Variants in ITGBL1 observed in about 807,000 individuals in gnomAD.
ITGBL1 encodes integrin beta-like protein 1.
In ITGBL1, 51 loss-of-function variants were observed where a neutral mutation model predicts 68.5. The observed-to-expected ratio is 0.74, with a 90% CI of 0.59 to 0.94. ITGBL1 has a LOEUF of 0.94. Ranked by LOEUF, ITGBL1 falls within the 40% of genes least tolerant of loss-of-function variation. ITGBL1 has a pLI of 0.00. For missense variants in ITGBL1, 649 were observed against 647.4 expected, an observed-to-expected ratio of 1.00 and a Z score of -0.03; for synonymous variants, 209 against 227.3, an observed-to-expected ratio of 0.92 and a Z score of 0.72.
At chr13:101,457,370 G>C (rs948394290) in intron 2 of ITGBL1, among the ~76,000 whole-genome samples, 2 of 152,120 alleles carry the variant, frequency 1.3e-5, no homozygotes, top group African/African-American at 2.4e-5. Flanking sequence ...CCAGCCTCAG[G>C]GCAGCTGTAT....
chr13:101,587,783 A>G (rs992093384), intron 6 of ITGBL1, among the ~76,000 whole-genome samples: 9 of 152,208 alleles, frequency 5.9e-5, no homozygotes, highest in African/African-American at 2.2e-4. Flanking sequence ...ACTAAAGGAA[A>G]TGATTAAGTA....
At chr13:101,491,735 C>A (rs2139062077) in intron 2 of ITGBL1, among the ~76,000 whole-genome samples, 1 of 152,258 alleles carries the variant, frequency 6.6e-6, no homozygotes, top group South Asian at 2.1e-4. Context: ...ATTAACTCGT[C>A]ATCTGCGTTA....
At chr13:101,704,738 A>G (rs905424960) in intron 8 of ITGBL1, among the ~76,000 whole-genome samples, 33 of 152,162 alleles carry the variant, frequency 2.2e-4, no homozygotes, top group African/African-American at 6.8e-4. Flanking sequence ...AGACATTGGA[A>G]TCAGAGGAAC....
intron 8 of ITGBL1, among the ~76,000 whole-genome samples, chr13:101,694,096 A>T (rs991176885): frequency 1.3e-5 from 2 of 152,180 alleles, no homozygotes; most frequent in African/African-American, 4.8e-5. Context: ...CAGACCCAGA[A>T]TTTCAGCTCT....
chr13:101,714,857 G>C (rs1332493443), intron 10 of ITGBL1: 7 of 321,400 alleles, frequency 2.2e-5, no homozygotes. Context: ...AAAGAATTTT[G>C]TTGGCAACCA....
At position 101,579,436 on chromosome 13, in the gene ITGBL1, T is replaced by C; in HGVS notation, c.727+9T>C. ...AATCTGCAGTAACAGAGGTGTGTCA[T>C]TCATACATGTTACTACATAATGGGG... On this transcript the variant is annotated intron_variant, in intron 5 of 10. Transcript: ENST00000376180. 6.2e-7 allele frequency: 1 copy of C among 1,613,094 alleles called. No homozygotes were observed. The highest frequency in any genetic ancestry group is 1.7e-5 in the Admixed American group (1 of 59,858).
chr13:101,493,984 C>T (rs565877372), intron 2 of ITGBL1, among the ~76,000 whole-genome samples: 39 of 152,220 alleles, frequency 2.6e-4, no homozygotes, highest in Non-Finnish European at 5.1e-4. Context: ...AGATCACATA[C>T]TTAGGTTTGT....
At chr13:101,650,341 A>AT (rs201609505) in intron 7 of ITGBL1, among the ~76,000 whole-genome samples, 7 of 151,102 alleles carry the variant, frequency 4.6e-5, no homozygotes, top group South Asian at 2.1e-4. Flanking sequence ...GATGATATAC[A>AT]TTTTTTTTTC....
intron 2 of ITGBL1, among the ~76,000 whole-genome samples, chr13:101,464,535 A>C (rs78931378): frequency 0.24 from 36,483 of 150,760 alleles, 5,156 homozygotes; most frequent in African/African-American, 0.4. Context: ...CTCTCTCTAT[A>C]TATATATATA....
intron 9 of ITGBL1, chr13:101,713,361 T>G (rs2034568462): frequency 6.6e-6 from 1 of 152,202 alleles, no homozygotes; most frequent in African/African-American, 2.4e-5. Flanking sequence ...TCAATATATT[T>G]TGAACTTACC....
intron 4 of ITGBL1, among the ~76,000 whole-genome samples, 166 bp from the exon 5 acceptor site, chr13:101,579,121 C>A (rs540293508): frequency 3.3e-5 from 5 of 152,278 alleles, no homozygotes; most frequent in Non-Finnish European, 4.4e-5. Context: ...ATAGGCACAA[C>A]CATGATGTGT....
intron 6 of ITGBL1, 54 bp from the exon 7 acceptor site, chr13:101,598,099 C>A (rs562271334): frequency 2.6e-4 from 391 of 1,497,302 alleles, no homozygotes; most frequent in Non-Finnish European, 3.2e-4. Flanking sequence ...AAAACTAATT[C>A]CAACTTCATT....
intron 2 of ITGBL1, among the ~76,000 whole-genome samples, chr13:101,476,203 T>TAA (rs149987230): frequency 0.14 from 21,618 of 152,110 alleles, 2,027 homozygotes; most frequent in East Asian, 0.43. Context: ...TGGATGAAGT[T>TAA]AGTGTAGAGT....
intron 2 of ITGBL1, among the ~76,000 whole-genome samples, chr13:101,459,895 A>T (rs2048294811): frequency 6.6e-6 from 1 of 152,130 alleles, no homozygotes; most frequent in South Asian, 2.1e-4. Flanking sequence ...TCTTGAAGAT[A>T]TTTGACTTTT....
intron 3 of ITGBL1, among the ~76,000 whole-genome samples, chr13:101,571,340 C>A (rs1236905612): frequency 6.6e-6 from 1 of 152,094 alleles, no homozygotes; most frequent in Admixed American, 6.6e-5. Context: ...CTCAATCATG[C>A]CCAAGATTGG....
chr13:101,469,228 A>G (rs1049628340), intron 2 of ITGBL1, among the ~76,000 whole-genome samples: 4 of 152,224 alleles, frequency 2.6e-5, no homozygotes, highest in African/African-American at 9.6e-5. Context: ...GCATTTACAG[A>G]AAGCTGAACA....
chr13:101,628,420 C>A (rs1157756967), intron 7 of ITGBL1, among the ~76,000 whole-genome samples: 1 of 149,602 alleles, frequency 6.7e-6, no homozygotes, highest in Non-Finnish European at 1.5e-5. Context: ...TATTTCTTTT[C>A]TTTTCTTTTT....
intron 7 of ITGBL1, among the ~76,000 whole-genome samples, chr13:101,662,479 G>A (rs2033111353): frequency 6.6e-6 from 1 of 152,046 alleles, no homozygotes. Flanking sequence ...TTGCATGAAG[G>A]ACCTGCATGT....
intron 3 of ITGBL1, among the ~76,000 whole-genome samples, chr13:101,569,029 C>CAG (rs1297878889): frequency 1.2e-4 from 9 of 76,230 alleles, no homozygotes; most frequent in Non-Finnish European, 2.3e-4. Context: ...CCTCCAAACA[C>CAG]ACACACACAC....
Sources: allele counts gnomAD v4.1 joint callset (sites outside exome capture counted in the v4.1 genomes callset), GRCh38; gene constraint gnomAD v4.1.1; transcripts MANE v1.5; gene names NCBI Gene and HGNC (gene_info 2026-07-23, HGNC 2026-07-21).